NDC80: variants seen among roughly 807,000 people sequenced by gnomAD.
NDC80 encodes kinetochore protein NDC80 homolog.
NDC80 carries 69 observed loss-of-function variants against 89.3 expected under a neutral mutation model. The observed-to-expected ratio is 0.77, with a 90% confidence interval of 0.64 to 0.94. NDC80 has a LOEUF of 0.94. NDC80 is among the 40% of genes least tolerant of loss of function. The pLI is 0.00. For synonymous variants in NDC80, 243 were observed against 255.6 expected, an observed-to-expected ratio of 0.95 and a Z score of 0.47; for missense variants, 593 against 739.6, an observed-to-expected ratio of 0.80 and a Z score of 2.30.
intron 10 of NDC80, among the ~76,000 whole-genome samples, chr18:2,593,013 G>GGTGTGTGTGTGTGTGT (rs56851912): frequency 4.6e-5 from 5 of 108,396 alleles, no homozygotes; most frequent in East Asian, 2.8e-4. Flanking sequence ...AATAAACTCT[G>GGTGTGTGTGTGTGTGT]GTGTGTGTGT....
At chr18:2,603,865 A>G (rs1327586983) in intron 13 of NDC80, among the ~76,000 whole-genome samples, 2 of 152,182 alleles carry the variant, frequency 1.3e-5, no homozygotes, top group East Asian at 3.8e-4. Context: ...ACTGTTTTCA[A>G]ATACTGAAGA....
At chr18:2,601,848 T>A (rs2072685907) in intron 13 of NDC80, among the ~76,000 whole-genome samples, 1 of 152,140 alleles carries the variant, frequency 6.6e-6, no homozygotes, top group Non-Finnish European at 1.5e-5. Flanking sequence ...TTAGCTGTGA[T>A]AGATTAAGAG....
intron 6 of NDC80, among the ~76,000 whole-genome samples, chr18:2,579,360 C>T (rs1216351099): frequency 6.6e-6 from 1 of 152,116 alleles, no homozygotes; most frequent in Non-Finnish European, 1.5e-5. Flanking sequence ...TTGGAGAATA[C>T]AGTGATATAA....
chr18:2,585,081 C>G, intron 6 of NDC80, 32 bp from the exon 7 acceptor site: 1 of 1,543,612 alleles, frequency 6.5e-7, no homozygotes, highest in African/African-American at 1.4e-5. Context: ...TTTTTCAGAT[C>G]AACTTGCTTT....
chr18:2,578,972 T>C lies in NDC80; in HGVS notation c.522T>C (p.Ala174=). The C allele has an allele frequency of 6.4e-7, 1 of 1,573,358 alleles. No homozygotes were observed. The highest frequency in any genetic ancestry group is 1.2e-5 in the South Asian group (1 of 84,608). ...LSKSSMYTVG[A]PHTWPHIVAA... ...AAAGCTCCATGTACACAGTGGGGGC[T>C]CCTCATACATGGCCTCACATTGTGG... The change falls in exon 6 of 17, where the codon GCT becomes GCC. Residue 174 remains alanine, a synonymous_variant. Transcript: ENST00000261597.
In NDC80 at chr18:2,585,150, A is replaced by T. The variant is rs746213249; in HGVS notation, c.617A>T (p.Asp206Val). Reference protein sequence around the residue: ...TAMKESSPLFDDGQPWGEETE... With the variant: ...TAMKESSPLFVDGQPWGEETE... Reference sequence around the variant, plus strand: ...ATGAAAGAAAGCTCACCTTTATTTGATGATGGGCAGCCTTGGGGAGAAGAA... The same window carrying T: ...ATGAAAGAAAGCTCACCTTTATTTGTTGATGGGCAGCCTTGGGGAGAAGAA... Residue 206 changes from aspartate to valine, a missense_variant, in exon 7 of 17, where the codon GAT (aspartate) becomes GTT (valine). Transcript: ENST00000261597. The T allele has an allele frequency of 6.2e-7, 1 of 1,613,620 alleles. No homozygotes were observed. The highest frequency in any genetic ancestry group is 1.7e-5 in the Admixed American group (1 of 60,022).
At chr18:2,575,229 G>T (rs1358753601) in intron 3 of NDC80, among the ~76,000 whole-genome samples, 163 bp downstream of exon 3, 2 of 152,182 alleles carry the variant, frequency 1.3e-5, no homozygotes, top group African/African-American at 4.8e-5. Flanking sequence ...TACATCTGCT[G>T]TAGACAGTGT....
At chr18:2,602,716 C>T (rs2072690390) in intron 13 of NDC80, among the ~76,000 whole-genome samples, 1 of 152,004 alleles carries the variant, frequency 6.6e-6, no homozygotes, top group South Asian at 2.1e-4. Context: ...TGTTAGTGTC[C>T]TAGAGATAAA....
chr18:2,606,550 G>A (rs781591009), intron 14 of NDC80, 43 bp downstream of exon 14: 1 of 1,297,068 alleles, frequency 7.7e-7, no homozygotes, highest in Non-Finnish European at 1.1e-6. Context: ...CAAAAGCTAT[G>A]TCATGATTGC....
intron 13 of NDC80, among the ~76,000 whole-genome samples, chr18:2,605,250 A>T (rs1338251940): frequency 1.4e-5 from 2 of 143,330 alleles, no homozygotes; most frequent in Non-Finnish European, 3.0e-5. Context: ...CCAGTAGGCA[A>T]TTGGAGTCGG....
chr18:2,614,403 C>G (rs1053537588), intron 16 of NDC80: 3 of 191,478 alleles, frequency 1.6e-5, no homozygotes, highest in Non-Finnish European at 3.2e-5. Context: ...CACCACTGCA[C>G]TCCAGCCTGG....
At chr18:2,598,027 T>C (rs1020101570) in intron 11 of NDC80, among the ~76,000 whole-genome samples, 1 of 152,360 alleles carries the variant, frequency 6.6e-6, no homozygotes, top group South Asian at 2.1e-4. Flanking sequence ...TTAATTTCAA[T>C]GTTATGGGTA....
At chr18:2,603,394 A>G (rs1454871769) in intron 13 of NDC80, among the ~76,000 whole-genome samples, 6 of 108,746 alleles carry the variant, frequency 5.5e-5, no homozygotes, top group African/African-American at 2.3e-4. Flanking sequence ...TATGTAATAT[A>G]TATAAGCCAA....
At chr18:2,610,296 T>C (rs2072736065) in intron 15 of NDC80, among the ~76,000 whole-genome samples, 2 of 152,246 alleles carry the variant, frequency 1.3e-5, no homozygotes, top group South Asian at 4.1e-4. Flanking sequence ...AGATTGCAAG[T>C]ACAAGCCTTG....
chr18:2,580,626 T>C (rs983277551), intron 6 of NDC80, among the ~76,000 whole-genome samples: 1 of 151,060 alleles, frequency 6.6e-6, no homozygotes, highest in Admixed American at 6.6e-5. Context: ...TTAATAAAAA[T>C]CCAAGTTTCA....
At chr18:2,576,967 G>T (rs2072549718) in intron 3 of NDC80, among the ~76,000 whole-genome samples, 1 of 152,110 alleles carries the variant, frequency 6.6e-6, no homozygotes, top group Non-Finnish European at 1.5e-5. Flanking sequence ...TCTCTGCCAT[G>T]AAACCAATTT....
At chr18:2,576,600 A>G (rs1236533037) in intron 3 of NDC80, among the ~76,000 whole-genome samples, 2 of 152,212 alleles carry the variant, frequency 1.3e-5, no homozygotes, top group East Asian at 3.8e-4. Context: ...GAGAACAACC[A>G]TCTATCTGGA....
chr18:2,588,425 T>TA (rs1348524186), intron 8 of NDC80, among the ~76,000 whole-genome samples: 3 of 152,108 alleles, frequency 2.0e-5, no homozygotes, highest in Non-Finnish European at 4.4e-5. Flanking sequence ...TTTTTTTTTT[T>TA]ACTCATTTAC....
At chr18:2,589,995 A>C in intron 9 of NDC80, 23 bp from the exon 10 acceptor site, 1 of 1,461,066 alleles carries the variant, frequency 6.8e-7, no homozygotes, top group Non-Finnish European at 9.2e-7. Flanking sequence ...GAATAACTAA[A>C]GTTATATTCT....
Sources: gnomAD v4.1 joint callset for allele counts (sites outside exome capture counted in the v4.1 genomes callset) on GRCh38, gnomAD v4.1.1 for gene constraint, MANE v1.5 for transcripts, NCBI Gene and HGNC (gene_info 2026-07-23, HGNC 2026-07-21) for gene names.